The following HELQ variants were observed in gnomAD, a reference collection of about 807,000 sequenced individuals.
HELQ encodes the protein helicase POLQ-like.
A neutral mutation model predicts 111.6 loss-of-function variants in HELQ; 77 were observed. The observed-to-expected ratio is 0.69, with a 90% CI of 0.57 to 0.83. The LOEUF (loss-of-function observed/expected upper bound fraction) is 0.83. Among genes scored for constraint, HELQ ranks in the 40% least tolerant of loss-of-function variants. The pLI is 0.00. For missense variants in HELQ, 1,200 were observed against 1,288.5 expected (o/e 0.93, Z 1.05); for synonymous variants, 438 against 454.7 (o/e 0.96, Z 0.47).
chr4:83,448,998 T>C, intron 2 of HELQ, 37 bp from the exon 3 acceptor site: 1 of 1,459,714 alleles, frequency 6.9e-7, no homozygotes, highest in Non-Finnish European at 9.3e-7. Flanking sequence ...TATTTTCCCC[T>C]TCCAAACTTT....
At chr4:83,419,437 T>C (rs1435334404) in intron 15 of HELQ, among the ~76,000 whole-genome samples, 1 of 148,620 alleles carries the variant, frequency 6.7e-6, no homozygotes, top group African/African-American at 2.5e-5. Context: ...TGAAAAATTA[T>C]ATACATGTAA....
At chr4:83,418,593 C>T (rs745996238) in intron 15 of HELQ, among the ~76,000 whole-genome samples, 3 of 152,030 alleles carry the variant, frequency 2.0e-5, no homozygotes, top group African/African-American at 4.8e-5. Flanking sequence ...ACATGATGTT[C>T]AATGCAACAA....
Position 83,429,740 on chromosome 4 carries a change from T to C in HELQ, c.2302A>G (p.Thr768Ala), listed in dbSNP as rs751837060. ...AAATGATAGATGTCATCAAGATTCG[T>C]TGCAATCTGAAACAATTCAGGATAT... is the stretch of plus-strand genomic sequence containing the variant. Reference protein sequence around the residue: ...FLSLIGLKIATNLDDIYHFMN... With the variant: ...FLSLIGLKIAANLDDIYHFMN... Residue 768 changes from threonine to alanine, a missense_variant, in exon 12 of 18, where the codon ACG becomes GCG. By Grantham distance (58) the Thr-to-Ala change is moderately conservative. This residue lies in a region of HELQ where 585 missense variants were observed against 665.3 expected (regional missense o/e 0.88). Coordinates refer to ENST00000295488, the MANE Select transcript of HELQ (RefSeq NM_133636.5). The C allele has an allele frequency of 5.6e-6, 9 of 1,607,468 alleles. No individual in the cohort carries two copies. The East Asian group carries it at 6.7e-5, about 12-fold the overall frequency.
upstream of HELQ, chr4:83,455,871 A>G: frequency 2.6e-6 from 2 of 778,112 alleles, no homozygotes; most frequent in Non-Finnish European, 4.2e-6. Context: ...CTGTCCAATC[A>G]TAAGCCTCAC....
chr4:83,432,241 G>C lies in HELQ; in HGVS notation c.2075C>G (p.Ala692Gly), dbSNP rs760039192. 1.6e-5 allele frequency: 26 copies of C among 1,579,428 alleles called. No individual in the cohort carries two copies. The South Asian group carries it at 2.9e-4, about 18-fold the overall frequency. Residue 692 changes from alanine (A) to glycine (G), a missense_variant, in exon 10 of 18, where the codon GCT becomes GGT. Physicochemically the swap from Ala to Gly is moderately conservative, Grantham distance 60. Coordinates refer to ENST00000295488, the MANE Select transcript of HELQ (RefSeq NM_133636.5). ...TTGATTCCTCTTTAAAAATTCCTTA[G>C]CAACATAGGGAGCTCTTAAAATAAC... ...RRVILRAPYVAKEFLKRNQYK... is the reference protein window; with the variant it reads ...RRVILRAPYVGKEFLKRNQYK...
At chr4:83,430,518 A>G (rs1294256043) in intron 11 of HELQ, among the ~76,000 whole-genome samples, 1 of 152,218 alleles carries the variant, frequency 6.6e-6, no homozygotes, top group Non-Finnish European at 1.5e-5. Context: ...TCAGATGTAG[A>G]GCTGACTCTG....
chr4:83,427,463 TG>T, intron 13 of HELQ, 99 bp downstream of exon 13: 3 of 984,892 alleles, frequency 3.0e-6, no homozygotes, highest in Non-Finnish European at 4.3e-6. Context: ...GAGACCAGCC[TG>T]GGCAACATGG....
intron 3 of HELQ, among the ~76,000 whole-genome samples, chr4:83,447,766 G>A (rs1312593769): frequency 6.6e-6 from 1 of 151,390 alleles, no homozygotes; most frequent in East Asian, 1.9e-4. Flanking sequence ...GGGTCGTGGG[G>A]CATGAGAATT....
intron 6 of HELQ, among the ~76,000 whole-genome samples, chr4:83,442,294 G>T (rs1285510229): frequency 3.0e-5 from 4 of 132,684 alleles, no homozygotes; most frequent in African/African-American, 1.2e-4. Context: ...TTGAGACAGG[G>T]TCTCACTCTG....
rs1721715998 is a variant in HELQ at position 83,455,464 on chromosome 4, A to C, written c.230T>G (p.Leu77Arg). Residue 77 changes from leucine to arginine, a missense_variant, in exon 1 of 18, where the codon CTT (leucine) becomes CGT (arginine). Physicochemically the swap from Leu to Arg is moderately radical, Grantham distance 102. Coordinates refer to ENST00000295488, the MANE Select transcript of HELQ (RefSeq NM_133636.5). ...LLSDSPECLV[L>R]GGGDTNPDLL... ...GTCCGGGTTTGTATCACCACCTCCA[A>C]GGACGAGACATTCCGGGGAATCTGA... 7 of 1,614,186 alleles carry C rather than the reference A, an allele frequency of 4.3e-6. No individual in the cohort carries two copies. The Admixed American group carries it at 1.0e-4, about 23-fold the overall frequency.
intron 5 of HELQ, among the ~76,000 whole-genome samples, chr4:83,443,966 G>T (rs1170779533): frequency 6.6e-6 from 1 of 152,134 alleles, no homozygotes; most frequent in Non-Finnish European, 1.5e-5. Flanking sequence ...GATCGCTTGA[G>T]CCCAGGAAGT....
At chr4:83,430,398 C>T (rs1417271522) in intron 11 of HELQ, among the ~76,000 whole-genome samples, 1 of 152,012 alleles carries the variant, frequency 6.6e-6, no homozygotes, top group East Asian at 1.9e-4. Flanking sequence ...TGATCTCTAC[C>T]TATTTTTGTC....
intron 3 of HELQ, 44 bp from the exon 4 acceptor site, chr4:83,447,079 G>T: frequency 6.1e-6 from 2 of 325,284 alleles, no homozygotes; most frequent in Non-Finnish European, 8.7e-6. Flanking sequence ...CAGGCATTGT[G>T]GCCAATGCCT....
At chr4:83,446,684 G>A in intron 4 of HELQ, 151 bp downstream of exon 4, 1 of 545,858 alleles carries the variant, frequency 1.8e-6, no homozygotes, top group Non-Finnish European at 3.2e-6. Context: ...AGATTATCAA[G>A]CATAGAATGT....
chr4:83,441,376 T>C lies in HELQ; in HGVS notation c.1591A>G (p.Asn531Asp). Residue 531 changes from asparagine (N) to aspartate (D), a missense_variant, in exon 7 of 18, where the codon AAT becomes GAT. Asn to Asp is a conservative substitution (Grantham distance 23). Transcript: ENST00000295488. The part of the protein sequence containing the change: ...PVELKEYLKI[N>D]DTIYEVDSKA... ...CTGTCAACTTCATATATTGTATCAT[T>C]TATTTTCAGATATTCTTTTAACTCA... The C allele has an allele frequency of 1.9e-6, 3 of 1,573,254 alleles. No homozygotes were observed. Among genetic ancestry groups the C allele is most frequent in the Non-Finnish European group, 2.6e-6 (3 of 1,148,482 alleles).
chr4:83,408,248 C>G lies in HELQ; in HGVS notation c.3199-688G>C, dbSNP rs771273736. 3.9e-5 allele frequency among the ~76,000 whole-genome samples: 6 copies of G among 152,058 alleles called. 1 individual carries two copies. Among genetic ancestry groups the G allele is most frequent in the African/African-American group, 1.4e-4 (6 of 41,414 alleles). Reference sequence around the variant, plus strand: ...TGTGGAAGAATAAATTCCGCTCCCCCCCACCCGCCTTTTTTTCTTTTTTAG... The same window carrying G: ...TGTGGAAGAATAAATTCCGCTCCCCGCCACCCGCCTTTTTTTCTTTTTTAG... On this transcript the variant is annotated intron_variant, in intron 17 of 17. Transcript: ENST00000295488.
At position 83,416,768 on chromosome 4, in the gene HELQ, G is replaced by A. The variant is rs1246051360; in HGVS notation, c.3161C>T (p.Ser1054Leu). The A allele has an allele frequency of 6.2e-7, 1 of 1,613,600 alleles. No homozygotes were observed. Among genetic ancestry groups the A allele is most frequent in the African/African-American group, 1.3e-5 (1 of 75,022 alleles). The change falls in exon 17 of 18, where the codon TCA becomes TTA. Residue 1054 changes from serine (S) to leucine (L), a missense_variant. Transcript: ENST00000295488. ...EVLVRTIDHL[S>L]RRQAKQIVSS... ...AACAATTTGCTTGGCTTGGCGTCTTGATAAATGATCAATTGTCCTTACGAG... is the reference window on the plus strand; with the variant it reads ...AACAATTTGCTTGGCTTGGCGTCTTAATAAATGATCAATTGTCCTTACGAG...
At chr4:83,449,087 T>A in intron 2 of HELQ, 126 bp from the exon 3 acceptor site, 1 of 721,518 alleles carries the variant, frequency 1.4e-6, no homozygotes, top group Non-Finnish European at 2.2e-6. Flanking sequence ...AATTTAATTA[T>A]AACCAATGTT....
chr4:83,416,345 G>A (rs1321014073), intron 17 of HELQ, among the ~76,000 whole-genome samples: 3 of 151,822 alleles, frequency 2.0e-5, no homozygotes, highest in South Asian at 2.1e-4. Flanking sequence ...CTCAGTCTCC[G>A]GAGTAGCTAG....
Sources: gnomAD v4.1 joint callset for allele counts (sites outside exome capture counted in the v4.1 genomes callset) on GRCh38, gnomAD v4.1.1 for gene constraint, gnomAD v4.1.1 regional missense constraint, MANE v1.5 for transcripts, NCBI Gene and HGNC (gene_info 2026-07-23, HGNC 2026-07-21) for gene names.